The following LHFPL3 variants were observed in gnomAD, a reference collection of about 807,000 sequenced individuals.
LHFPL3 encodes LHFPL tetraspan subfamily member 3.
LHFPL3 carries 5 observed loss-of-function variants against 19.3 expected under a neutral mutation model. The ratio of observed to expected loss-of-function variants is 0.26; its 90% CI spans 0.14 to 0.54. The LOEUF (loss-of-function observed/expected upper bound fraction) is 0.54, where lower values mean the gene tolerates loss of function less well. Ranked by LOEUF, LHFPL3 falls within the 20% of genes least tolerant of loss-of-function variation. The pLI is 0.94. For missense variants in LHFPL3, 249 were observed against 307.4 expected (o/e 0.81, Z 1.42); for synonymous variants, 133 against 126.2 (o/e 1.05, Z -0.36).
chr7:104,430,388 A>G (rs868236781), intron 1 of LHFPL3, among the ~76,000 whole-genome samples: 276 of 49,958 alleles, frequency 5.5e-3, no homozygotes, highest in Middle Eastern at 0.032. Flanking sequence ...ATATACATAT[A>G]TATATATATA....
intron 2 of LHFPL3, among the ~76,000 whole-genome samples, chr7:104,762,786 A>G (rs888554879): frequency 1.3e-5 from 2 of 152,194 alleles, no homozygotes; most frequent in African/African-American, 4.8e-5. Flanking sequence ...AAGGTTTAAG[A>G]AGATTTCACA....
intron 2 of LHFPL3, among the ~76,000 whole-genome samples, chr7:104,879,104 C>A (rs1251364428): frequency 6.6e-6 from 1 of 152,082 alleles, no homozygotes; most frequent in African/African-American, 2.4e-5. Flanking sequence ...AGGAAAGAAG[C>A]CATCTCTGTG....
chr7:104,595,106 G>A (rs995767002), intron 1 of LHFPL3, among the ~76,000 whole-genome samples: 12 of 152,170 alleles, frequency 7.9e-5, no homozygotes, highest in African/African-American at 2.9e-4. Flanking sequence ...TGAACCTTTC[G>A]AGGAGAAGAG....
chr7:104,625,645 G>T (rs1305760265), intron 1 of LHFPL3, among the ~76,000 whole-genome samples: 3 of 152,040 alleles, frequency 2.0e-5, no homozygotes, highest in Non-Finnish European at 2.9e-5. Context: ...AATCATCTGT[G>T]ATGCCTATTT....
At position 104,338,830 on chromosome 7, in the gene LHFPL3, A is replaced by G. The variant is rs180719341; in HGVS notation, c.445+9606A>G. Among the ~76,000 whole-genome samples, 5 of 152,370 alleles carry G rather than the reference A, an allele frequency of 3.3e-5. No homozygotes were observed. The East Asian group carries it at 5.8e-4, about 18-fold the overall frequency. On this transcript the variant is annotated intron_variant, in intron 1 of 2. Coordinates refer to ENST00000424859, the MANE Select transcript of LHFPL3 (RefSeq NM_199000.3). Reference sequence around the variant, plus strand: ...ACATGGCCCACCTCTGAGAAACAATATAGCTTAAAAACCATTTAACAAAAG... The same window carrying G: ...ACATGGCCCACCTCTGAGAAACAATGTAGCTTAAAAACCATTTAACAAAAG...
At chr7:104,812,512 TAA>T (rs1790490562) in intron 2 of LHFPL3, among the ~76,000 whole-genome samples, 1 of 152,034 alleles carries the variant, frequency 6.6e-6, no homozygotes, top group Non-Finnish European at 1.5e-5. Flanking sequence ...ATTTTTTTTT[TAA>T]TTAGACGTAG....
At chr7:104,519,948 G>A (rs1332298981) in intron 1 of LHFPL3, among the ~76,000 whole-genome samples, 1 of 152,052 alleles carries the variant, frequency 6.6e-6, no homozygotes. Flanking sequence ...CATTGTCAAA[G>A]TCTTGGTGAA....
chr7:104,854,019 C>T (rs1791456796), intron 2 of LHFPL3, among the ~76,000 whole-genome samples: 1 of 152,196 alleles, frequency 6.6e-6, no homozygotes, highest in Non-Finnish European at 1.5e-5. Context: ...AACAATTCTC[C>T]TTTTACCCTT....
intron 1 of LHFPL3, among the ~76,000 whole-genome samples, chr7:104,429,276 A>G (rs188305695): frequency 1.6e-4 from 21 of 130,258 alleles, no homozygotes; most frequent in Non-Finnish European, 2.8e-4. Context: ...AAGGATGCAT[A>G]TTTCGGAATC....
chr7:104,803,792 G>A (rs559025072), intron 2 of LHFPL3, among the ~76,000 whole-genome samples: 96 of 152,306 alleles, frequency 6.3e-4, no homozygotes, highest in Non-Finnish European at 1.1e-3. Context: ...AACTTGTCTA[G>A]GGAATATTCC....
chr7:104,829,646 C>A (rs1037777816), intron 2 of LHFPL3, among the ~76,000 whole-genome samples: 10 of 151,806 alleles, frequency 6.6e-5, no homozygotes, highest in African/African-American at 1.2e-4. Flanking sequence ...CATGTCCCTA[C>A]AAAGGACATG....
chr7:104,589,818 G>A (rs1432972916), intron 1 of LHFPL3, among the ~76,000 whole-genome samples: 2 of 152,158 alleles, frequency 1.3e-5, no homozygotes, highest in East Asian at 1.9e-4. Flanking sequence ...CAGGGATTCA[G>A]TTTCTTCCTG....
At chr7:104,358,057 T>C (rs1790317744) in intron 1 of LHFPL3, among the ~76,000 whole-genome samples, 1 of 152,112 alleles carries the variant, frequency 6.6e-6, no homozygotes, top group Non-Finnish European at 1.5e-5. Context: ...CGGAAGGGAA[T>C]CCATCAAAGA....
At chr7:104,604,224 C>T (rs1243342606) in intron 1 of LHFPL3, among the ~76,000 whole-genome samples, 1 of 152,230 alleles carries the variant, frequency 6.6e-6, no homozygotes, top group African/African-American at 2.4e-5. Flanking sequence ...CCCTCTGTAG[C>T]TGCACCATAA....
intron 1 of LHFPL3, among the ~76,000 whole-genome samples, chr7:104,663,942 G>T (rs1209190837): frequency 6.6e-6 from 1 of 152,184 alleles, no homozygotes; most frequent in East Asian, 1.9e-4. Context: ...GCTGTATGTG[G>T]TTTCAGTGTA....
At chr7:104,561,179 C>T (rs1350462967) in intron 1 of LHFPL3, among the ~76,000 whole-genome samples, 4 of 151,876 alleles carry the variant, frequency 2.6e-5, no homozygotes, top group Non-Finnish European at 5.9e-5. Flanking sequence ...GTGGAGAGTT[C>T]TGTAATTGTC....
At chr7:104,551,236 C>T (rs183217601) in intron 1 of LHFPL3, among the ~76,000 whole-genome samples, 5 of 152,232 alleles carry the variant, frequency 3.3e-5, no homozygotes, top group Admixed American at 3.3e-4. Context: ...TTTAAATAGG[C>T]TTTATTTCTT....
At chr7:104,673,460 C>A (rs1347876928) in intron 1 of LHFPL3, among the ~76,000 whole-genome samples, 1 of 152,202 alleles carries the variant, frequency 6.6e-6, no homozygotes, top group Non-Finnish European at 1.5e-5. Flanking sequence ...TATTCAAAGG[C>A]AACACGAAGG....
intron 1 of LHFPL3, among the ~76,000 whole-genome samples, chr7:104,506,056 C>T (rs1031381709): frequency 2.0e-5 from 3 of 150,746 alleles, no homozygotes; most frequent in Admixed American, 6.6e-5. Flanking sequence ...CTCACTCTGT[C>T]GCCAGGCTGG....
Sources: allele counts gnomAD v4.1 joint callset (sites outside exome capture counted in the v4.1 genomes callset), GRCh38; gene constraint gnomAD v4.1.1; transcripts MANE v1.5; gene names NCBI Gene and HGNC (gene_info 2026-07-23, HGNC 2026-07-21).